Variants in TLN2 observed in about 807,000 individuals in gnomAD.
TLN2 encodes the protein talin-2.
Under a neutral mutation model 294.7 loss-of-function variants are expected in TLN2, and 118 were observed. The ratio of observed to expected loss-of-function variants is 0.40; its 90% CI spans 0.34 to 0.47. The LOEUF (loss-of-function observed/expected upper bound fraction) is 0.47, where lower values mean the gene tolerates loss of function less well. Ranked by LOEUF, TLN2 falls within the 20% of genes least tolerant of loss-of-function variation. The pLI is 0.84. For missense variants in TLN2, 3,083 were observed against 3,282.2 expected (o/e 0.94, Z 1.48); for synonymous variants, 1,431 against 1,304.5 (o/e 1.10, Z -2.09).
chr15:62,641,834 C>T (rs1353040350), intron 3 of TLN2, among the ~76,000 whole-genome samples: 1 of 152,132 alleles, frequency 6.6e-6, no homozygotes, highest in East Asian at 1.9e-4. Flanking sequence ...CTTCGTGGTC[C>T]TCCCTTACAG....
intron 1 of TLN2, among the ~76,000 whole-genome samples, chr15:62,390,963 G>T (rs183327254): frequency 6.6e-6 from 1 of 152,234 alleles, no homozygotes; most frequent in South Asian, 2.1e-4. Context: ...CGGGCGCAGC[G>T]GTTTGCAAAC....
At chr15:62,757,977 T>C (rs2062412456) in intron 37 of TLN2, among the ~76,000 whole-genome samples, 1 of 152,232 alleles carries the variant, frequency 6.6e-6, no homozygotes, top group Admixed American at 6.5e-5. Flanking sequence ...TTTGAAGGAA[T>C]GGTTATGTGT....
chr15:62,740,840 C>T (rs572423903), intron 32 of TLN2, 71 bp downstream of exon 32: 75 of 1,589,476 alleles, frequency 4.7e-5, no homozygotes, highest in Non-Finnish European at 6.4e-5. Context: ...ATGTGCCTGA[C>T]ATCCTCCCAC....
At chr15:62,616,833 G>A (rs1171467014) in intron 2 of TLN2, among the ~76,000 whole-genome samples, 1 of 152,108 alleles carries the variant, frequency 6.6e-6, no homozygotes, top group African/African-American at 2.4e-5. Context: ...AGTTTGAATT[G>A]CCTTGTTAGT....
At chr15:62,647,597 C>T in intron 4 of TLN2, 151 bp downstream of exon 4, 1 of 1,101,620 alleles carries the variant, frequency 9.1e-7, no homozygotes, top group Non-Finnish European at 1.3e-6. Context: ...CTACCTGCTT[C>T]CTCTGTGAGA....
intron 3 of TLN2, among the ~76,000 whole-genome samples, chr15:62,632,581 CTG>C (rs1233760100): frequency 1.3e-5 from 2 of 152,202 alleles, no homozygotes; most frequent in Non-Finnish European, 2.9e-5. Flanking sequence ...GTGAGAGTTG[CTG>C]TGAGAGTTTA....
At chr15:62,505,248 T>C (rs530155757) in intron 1 of TLN2, among the ~76,000 whole-genome samples, 1 of 152,172 alleles carries the variant, frequency 6.6e-6, no homozygotes, top group African/African-American at 2.4e-5. Context: ...TGAGCCACTG[T>C]GCTCGGCCAA....
At position 62,477,955 on chromosome 15, in the gene TLN2, G is replaced by T. The variant is rs866576001; in HGVS notation, c.-238+87270G>T. On this transcript the variant is annotated intron_variant, in intron 1 of 58. Coordinates refer to ENST00000636159, the MANE Select transcript of TLN2 (RefSeq NM_015059.3). ...AGCGGGGCGTTGCAGGCTCAACATT[G>T]TCCAGCTGCTGCAGTAGACCTTCTC... 2.0e-5 allele frequency among the ~76,000 whole-genome samples: 3 copies of T among 152,098 alleles called. No homozygotes were observed. In the Middle Eastern group the frequency reaches 0.01, roughly 517 times the overall value.
chr15:62,665,098 G>A (rs748951702), intron 9 of TLN2, among the ~76,000 whole-genome samples: 2 of 151,948 alleles, frequency 1.3e-5, no homozygotes, highest in Non-Finnish European at 2.9e-5. Flanking sequence ...GTTGAGACAA[G>A]GTGTCACTCT....
At chr15:62,504,947 A>G (rs2039521461) in intron 1 of TLN2, among the ~76,000 whole-genome samples, 1 of 147,160 alleles carries the variant, frequency 6.8e-6, no homozygotes, top group African/African-American at 2.6e-5. Flanking sequence ...AAACAGAAAC[A>G]TGTTTTTGTT....
At chr15:62,717,474 T>G in intron 23 of TLN2, 102 bp from the exon 24 acceptor site, 2 of 706,726 alleles carry the variant, frequency 2.8e-6, no homozygotes, top group East Asian at 6.7e-5. Flanking sequence ...TGGAGTTCTT[T>G]TAGAGCCACA....
At position 62,667,141 on chromosome 15, in the gene TLN2, AT is replaced by A. The variant is rs369281319; in HGVS notation, c.789-6680del. Among the ~76,000 whole-genome samples the A allele has an allele frequency of 5.3e-3, 798 of 151,770 alleles. 7 individuals carry two copies. The highest frequency in any genetic ancestry group is 0.035 in the East Asian group (177 of 5,122). ...CCACCACGCCCGGCTAATTTTTTGTATTTTTTAGTAGAGACGGGGTTTCACC... is the reference window on the plus strand; with the variant it reads ...CCACCACGCCCGGCTAATTTTTTGTATTTTTAGTAGAGACGGGGTTTCACC... On this transcript the variant is annotated intron_variant, in intron 9 of 58. Coordinates refer to ENST00000636159, the MANE Select transcript of TLN2 (RefSeq NM_015059.3).
intron 2 of TLN2, among the ~76,000 whole-genome samples, chr15:62,592,483 T>C (rs1251500021): frequency 1.3e-5 from 2 of 152,244 alleles, no homozygotes; most frequent in Non-Finnish European, 2.9e-5. Flanking sequence ...AAAAGCTGTA[T>C]TGAACAACAA....
intron 19 of TLN2, 152 bp downstream of exon 19, chr15:62,703,016 G>T: frequency 5.9e-6 from 4 of 676,660 alleles, no homozygotes; most frequent in South Asian, 2.3e-5. Flanking sequence ...AGGTCTTTTT[G>T]TGTTACCAAA....
intron 1 of TLN2, among the ~76,000 whole-genome samples, chr15:62,578,969 G>A (rs1455342710): frequency 6.6e-6 from 1 of 152,138 alleles, no homozygotes; most frequent in African/African-American, 2.4e-5. Context: ...GATAGAATGA[G>A]TTGCCATTTT....
chr15:62,508,591 A>G (rs962212553), intron 1 of TLN2, among the ~76,000 whole-genome samples: 20 of 152,242 alleles, frequency 1.3e-4, no homozygotes, highest in Non-Finnish European at 8.8e-5. Flanking sequence ...AAATGACCAA[A>G]TTTTCTATCA....
intron 9 of TLN2, among the ~76,000 whole-genome samples, chr15:62,668,523 A>G (rs1424523046): frequency 6.6e-6 from 1 of 152,088 alleles, no homozygotes; most frequent in Non-Finnish European, 1.5e-5. Context: ...TCATTGTCAT[A>G]TTCTGATTAT....
chr15:62,416,915 A>G (rs2034117325), intron 1 of TLN2, among the ~76,000 whole-genome samples: 1 of 152,114 alleles, frequency 6.6e-6, no homozygotes, highest in African/African-American at 2.4e-5. Context: ...ATGCCATGGC[A>G]TGGGGGCTCT....
At chr15:62,769,014 G>T (rs921227394) in intron 41 of TLN2, among the ~76,000 whole-genome samples, 12 of 152,250 alleles carry the variant, frequency 7.9e-5, no homozygotes, top group African/African-American at 2.9e-4. Flanking sequence ...TGAAGCCAGA[G>T]CTGAAGTCCT....
Sources: allele counts gnomAD v4.1 joint callset (sites outside exome capture counted in the v4.1 genomes callset), GRCh38; gene constraint gnomAD v4.1.1; transcripts MANE v1.5; gene names NCBI Gene and HGNC (gene_info 2026-07-23, HGNC 2026-07-21).